SYCP2L: variants seen among roughly 807,000 people sequenced by gnomAD.
SYCP2L encodes the protein synaptonemal complex protein 2-like.
Under a neutral mutation model 125.8 loss-of-function variants are expected in SYCP2L, and 98 were observed. That is an observed-to-expected ratio of 0.78 (90% CI 0.66 to 0.92). The LOEUF (loss-of-function observed/expected upper bound fraction) is 0.92. Among genes scored for constraint, SYCP2L ranks in the 40% least tolerant of loss-of-function variants. The pLI, the probability that SYCP2L is intolerant of heterozygous loss-of-function variation, is 0.00. For synonymous variants in SYCP2L, 317 were observed against 325.4 expected (o/e 0.97, Z 0.28); for missense variants, 842 against 936.4 (o/e 0.90, Z 1.32).
intron 17 of SYCP2L, among the ~76,000 whole-genome samples, chr6:10,927,777 A>C (rs938767225): frequency 6.6e-6 from 1 of 152,160 alleles, no homozygotes; most frequent in African/African-American, 2.4e-5. Context: ...TCCTCGCCCT[A>C]ATAAGCCTGG....
At chr6:10,903,791 C>T (rs1780434726) in intron 8 of SYCP2L, among the ~76,000 whole-genome samples, 1 of 151,848 alleles carries the variant, frequency 6.6e-6, no homozygotes, top group South Asian at 2.1e-4. Flanking sequence ...ATAAAAAAGA[C>T]ATTCCTAGAT....
intron 1 of SYCP2L, among the ~76,000 whole-genome samples, chr6:10,888,675 T>C (rs1780123843): frequency 6.6e-6 from 1 of 151,958 alleles, no homozygotes; most frequent in South Asian, 2.1e-4. Flanking sequence ...TGCATACGAA[T>C]TGAACTGAAG....
At chr6:10,897,903 A>C in intron 4 of SYCP2L, 108 bp from the exon 5 acceptor site, 1 of 771,092 alleles carries the variant, frequency 1.3e-6, no homozygotes, top group Non-Finnish European at 2.2e-6. Context: ...ATGGAATGGG[A>C]AAAGATCTTT....
chr6:10,917,008 A>G (rs1036454292), intron 14 of SYCP2L, among the ~76,000 whole-genome samples: 1 of 152,146 alleles, frequency 6.6e-6, no homozygotes, highest in Non-Finnish European at 1.5e-5. Flanking sequence ...TAAAATAATC[A>G]TCATAATAAT....
At chr6:10,923,871 A>G (rs1180684452) in intron 14 of SYCP2L, among the ~76,000 whole-genome samples, 1 of 150,870 alleles carries the variant, frequency 6.6e-6, no homozygotes, top group Non-Finnish European at 1.5e-5. Flanking sequence ...TTTTTAGCAG[A>G]GACAGGGTTT....
intron 21 of SYCP2L, among the ~76,000 whole-genome samples, chr6:10,938,505 G>A (rs551920632): frequency 6.6e-6 from 1 of 152,222 alleles, no homozygotes; most frequent in Non-Finnish European, 1.5e-5. Flanking sequence ...ATACGACAAA[G>A]GTGTCTACTC....
chr6:10,963,874 A>G, intron 29 of SYCP2L, 31 bp downstream of exon 29: 2 of 1,567,328 alleles, frequency 1.3e-6, no homozygotes. Context: ...TGTTCAGTGG[A>G]TGTGAATCGG....
chr6:10,906,744 C>CGT lies in SYCP2L; in HGVS notation c.676+691_676+692insTG, dbSNP rs373235978. On this transcript the variant is annotated intron_variant, in intron 9 of 29. Coordinates refer to ENST00000283141, the MANE Select transcript of SYCP2L (RefSeq NM_001040274.3). ...TCCCGAGTAGCTGGGATTACAGGCA[C>CGT]GCACCGCCACACCTGGCTAATTTTT... 5.9e-3 allele frequency among the ~76,000 whole-genome samples: 894 copies of CGT among 151,592 alleles called. 11 individuals carry two copies. Among genetic ancestry groups the CGT allele is most frequent in the Middle Eastern group, 0.024 (7 of 294 alleles).
At chr6:10,951,316 C>G (rs1781405498) in intron 23 of SYCP2L, among the ~76,000 whole-genome samples, 1 of 152,036 alleles carries the variant, frequency 6.6e-6, no homozygotes, top group African/African-American at 2.4e-5. Context: ...TTCCCAGCTA[C>G]TCTGGAGGCT....
chr6:10,903,541 C>T (rs1217321562), intron 8 of SYCP2L, among the ~76,000 whole-genome samples: 1 of 151,856 alleles, frequency 6.6e-6, no homozygotes, highest in Non-Finnish European at 1.5e-5. Context: ...CAGAGTGAGA[C>T]TCTGTCTTAA....
chr6:10,909,853 C>G (rs1404054173), intron 10 of SYCP2L, among the ~76,000 whole-genome samples: 1 of 152,218 alleles, frequency 6.6e-6, no homozygotes, highest in Non-Finnish European at 1.5e-5. Context: ...CTTGCTTACA[C>G]TTCTGACCCA....
chr6:10,963,752 TATA>T, intron 28 of SYCP2L, 27 bp from the exon 29 acceptor site: 1 of 1,610,684 alleles, frequency 6.2e-7, no homozygotes, highest in African/African-American at 1.3e-5. Context: ...CTAATGTGAA[TATA>T]ATAAGAGATG....
intron 4 of SYCP2L, among the ~76,000 whole-genome samples, chr6:10,897,220 G>GA (rs1780271872): frequency 6.6e-6 from 1 of 152,164 alleles, no homozygotes; most frequent in Non-Finnish European, 1.5e-5. Flanking sequence ...ATTCCTATAG[G>GA]AAAAAATTCT....
intron 14 of SYCP2L, among the ~76,000 whole-genome samples, chr6:10,913,883 G>A (rs1005775889): frequency 1.3e-4 from 19 of 151,698 alleles, no homozygotes; most frequent in African/African-American, 4.6e-4. Flanking sequence ...CCAGGCTGGA[G>A]TGCAATGGCG....
intron 28 of SYCP2L, 152 bp downstream of exon 28, chr6:10,961,710 A>C (rs1300961891): frequency 1.4e-6 from 1 of 697,234 alleles, no homozygotes; most frequent in South Asian, 1.9e-5. Context: ...CACCTCCCTG[A>C]GGACAGAGTG....
intron 14 of SYCP2L, among the ~76,000 whole-genome samples, chr6:10,916,333 G>T (rs1780694545): frequency 6.6e-6 from 1 of 152,138 alleles, no homozygotes; most frequent in Non-Finnish European, 1.5e-5. Context: ...CTGGTCTGAT[G>T]TTGGTTATTT....
chr6:10,938,925 C>T (rs1389162865), intron 21 of SYCP2L, among the ~76,000 whole-genome samples: 2 of 152,112 alleles, frequency 1.3e-5, no homozygotes, highest in Non-Finnish European at 2.9e-5. Flanking sequence ...TCGAGACCAT[C>T]CCAGCTAACA....
intron 26 of SYCP2L, 23 bp from the exon 27 acceptor site, chr6:10,961,282 T>C (rs1205654362): frequency 1.9e-6 from 3 of 1,592,140 alleles, no homozygotes; most frequent in Non-Finnish European, 2.6e-6. Flanking sequence ...CCCAATGATA[T>C]TTACTGCTTT....
At chr6:10,970,869 C>A (rs757038264) in intron 29 of SYCP2L, among the ~76,000 whole-genome samples, 7 of 152,076 alleles carry the variant, frequency 4.6e-5, no homozygotes. Flanking sequence ...TTGGGCTACT[C>A]CAGTGTGTTG....
Sources: allele counts gnomAD v4.1 joint callset (sites outside exome capture counted in the v4.1 genomes callset), GRCh38; gene constraint gnomAD v4.1.1; transcripts MANE v1.5; gene names NCBI Gene and HGNC (gene_info 2026-07-23, HGNC 2026-07-21).